Variants in CTNNA3 observed in about 807,000 individuals in gnomAD.
CTNNA3 encodes catenin alpha-3.
In CTNNA3, 76 loss-of-function variants were observed where a neutral mutation model predicts 95.7. That is an observed-to-expected ratio of 0.79 (90% CI 0.66 to 0.96). The LOEUF (loss-of-function observed/expected upper bound fraction) is 0.96. Ranked by LOEUF, CTNNA3 falls within the 40% of genes least tolerant of loss-of-function variation. The pLI is 0.00. For synonymous variants in CTNNA3, 431 were observed against 374.4 expected (o/e 1.15, Z -1.74); for missense variants, 1,191 against 1,089.8 (o/e 1.09, Z -1.31).
intron 7 of CTNNA3, among the ~76,000 whole-genome samples, chr10:67,026,134 G>T (rs1223262930): frequency 6.6e-6 from 1 of 150,548 alleles, no homozygotes; most frequent in Non-Finnish European, 1.5e-5. Flanking sequence ...GGGAGGGATA[G>T]CATTAGGAGA....
At chr10:66,591,137 C>T (rs1031177994) in intron 10 of CTNNA3, among the ~76,000 whole-genome samples, 2 of 152,158 alleles carry the variant, frequency 1.3e-5, no homozygotes, top group African/African-American at 4.8e-5. Context: ...ATTTTAAGAA[C>T]TTGAGTTGTC....
chr10:66,464,029 T>G (rs547453870), intron 11 of CTNNA3, among the ~76,000 whole-genome samples: 15 of 152,180 alleles, frequency 9.9e-5, no homozygotes, highest in African/African-American at 3.6e-4. Context: ...TGATTAAAAC[T>G]TACTTATTAC....
chr10:67,511,623 C>T (rs939416200), intron 5 of CTNNA3, among the ~76,000 whole-genome samples: 9 of 152,126 alleles, frequency 5.9e-5, no homozygotes, highest in Non-Finnish European at 1.2e-4. Flanking sequence ...ATTTTCTCAT[C>T]GATGTTTATC....
intron 5 of CTNNA3, among the ~76,000 whole-genome samples, chr10:67,424,138 T>C (rs1754699832): frequency 6.6e-6 from 1 of 152,132 alleles, no homozygotes; most frequent in South Asian, 2.1e-4. Context: ...CCATTATCTG[T>C]AGGTGTGCGA....
At chr10:67,027,721 GC>G (rs1395331725) in intron 7 of CTNNA3, among the ~76,000 whole-genome samples, 2 of 152,042 alleles carry the variant, frequency 1.3e-5, no homozygotes, top group Non-Finnish European at 2.9e-5. Flanking sequence ...GAGCCACCGT[GC>G]CCGGCTGACA....
chr10:67,216,367 T>C (rs1469251994), intron 6 of CTNNA3, among the ~76,000 whole-genome samples: 1 of 152,180 alleles, frequency 6.6e-6, no homozygotes, highest in Non-Finnish European at 1.5e-5. Context: ...TCTGGTAGTT[T>C]CCATCACTAT....
intron 5 of CTNNA3, among the ~76,000 whole-genome samples, chr10:67,491,049 A>T (rs1848630031): frequency 6.6e-6 from 1 of 152,278 alleles, no homozygotes; most frequent in East Asian, 1.9e-4. Context: ...AAGAAAAAAA[A>T]ACTAATATGA....
chr10:67,592,234 G>A (rs994082313), intron 3 of CTNNA3, among the ~76,000 whole-genome samples: 2 of 152,042 alleles, frequency 1.3e-5, no homozygotes, highest in African/African-American at 4.8e-5. Flanking sequence ...TTTTCTTTCT[G>A]TCACTCAATA....
chr10:67,052,338 C>A (rs1424072693), intron 7 of CTNNA3, among the ~76,000 whole-genome samples: 1 of 151,556 alleles, frequency 6.6e-6, no homozygotes, highest in African/African-American at 2.4e-5. Flanking sequence ...CTCTCTCTCT[C>A]TCTCTCTCTC....
At chr10:67,481,512 T>A (rs1004753690) in intron 5 of CTNNA3, among the ~76,000 whole-genome samples, 22 of 152,054 alleles carry the variant, frequency 1.4e-4, no homozygotes, top group African/African-American at 5.3e-4. Flanking sequence ...AAATCAAGAA[T>A]GCAATCACAT....
At chr10:66,461,253 T>G (rs1051769450) in intron 11 of CTNNA3, among the ~76,000 whole-genome samples, 1 of 151,992 alleles carries the variant, frequency 6.6e-6, no homozygotes, top group Non-Finnish European at 1.5e-5. Flanking sequence ...TCATAATAGA[T>G]GAGTTATGGA....
At chr10:65,963,912 C>G (rs2077905325) in intron 17 of CTNNA3, among the ~76,000 whole-genome samples, 1 of 152,180 alleles carries the variant, frequency 6.6e-6, no homozygotes, top group African/African-American at 2.4e-5. Context: ...AACCTTCACA[C>G]CTCAGACCCA....
At chr10:66,059,050 A>C (rs1404497997) in intron 15 of CTNNA3, among the ~76,000 whole-genome samples, 1 of 150,570 alleles carries the variant, frequency 6.6e-6, no homozygotes, top group Non-Finnish European at 1.5e-5. Context: ...TTGGCCCATT[A>C]CCAGACAAAT....
chr10:65,981,399 T>A (rs2078316261), intron 16 of CTNNA3, among the ~76,000 whole-genome samples: 1 of 151,964 alleles, frequency 6.6e-6, no homozygotes, highest in Non-Finnish European at 1.5e-5. Flanking sequence ...GTAGAATCAA[T>A]ATTGTAAAAA....
At chr10:67,395,595 C>A (rs1005471216) in intron 5 of CTNNA3, among the ~76,000 whole-genome samples, 1 of 152,170 alleles carries the variant, frequency 6.6e-6, no homozygotes, top group South Asian at 2.1e-4. Flanking sequence ...TTCCTTTAAA[C>A]TTAGATTAGT....
At chr10:67,268,434 T>A (rs565827650) in intron 5 of CTNNA3, among the ~76,000 whole-genome samples, 1 of 152,030 alleles carries the variant, frequency 6.6e-6, no homozygotes, top group Non-Finnish European at 1.5e-5. Flanking sequence ...GGCAGGAGGA[T>A]TGCATGAGCC....
chr10:67,191,323 T>C (rs1564959049), intron 6 of CTNNA3, among the ~76,000 whole-genome samples: 1 of 151,954 alleles, frequency 6.6e-6, no homozygotes. Flanking sequence ...TTTCTCTGTT[T>C]GCAGATTATA....
intron 4 of CTNNA3, among the ~76,000 whole-genome samples, chr10:67,530,743 T>C (rs184795777): frequency 3.3e-5 from 5 of 152,182 alleles, no homozygotes; most frequent in Non-Finnish European, 5.9e-5. Context: ...CCCAAGACAA[T>C]GGGGAAAATG....
intron 11 of CTNNA3, among the ~76,000 whole-genome samples, chr10:66,490,327 G>C (rs747461587): frequency 6.6e-6 from 1 of 152,086 alleles, no homozygotes; most frequent in Non-Finnish European, 1.5e-5. Flanking sequence ...AAGTTTGTAA[G>C]ACAAAAGTTG....
Sources: allele counts gnomAD v4.1 joint callset (sites outside exome capture counted in the v4.1 genomes callset), GRCh38; gene constraint gnomAD v4.1.1; transcripts MANE v1.5; gene names NCBI Gene and HGNC (gene_info 2026-07-23, HGNC 2026-07-21).